NME9: variants seen among roughly 807,000 people sequenced by gnomAD.
NME9 encodes NME/NM23 family member 9.
In NME9, 48 loss-of-function variants were observed where a neutral mutation model predicts 44.4. The observed-to-expected ratio is 1.08, with a 90% CI of 0.86 to 1.37. NME9 has a LOEUF of 1.37. NME9 is among the 40% of genes most tolerant of loss of function. The probability of loss-of-function intolerance (pLI) is 0.00; values close to 1 mark genes in which losing one functional copy is unlikely to be tolerated. For missense variants in NME9, 325 were observed against 405.2 expected, an observed-to-expected ratio of 0.80 and a Z score of 1.70; for synonymous variants, 139 against 147.1, an observed-to-expected ratio of 0.94 and a Z score of 0.40.
At chr3:138,295,779 G>C in intron 8 of NME9, 1 of 1,512,814 alleles carries the variant, frequency 6.6e-7, no homozygotes, top group Non-Finnish European at 9.1e-7. Flanking sequence ...GACTTCCCCA[G>C]CTATCATCAT....
At chr3:138,271,798 C>CTTTTTT (rs776320900) in intron 8 of NME9, among the ~76,000 whole-genome samples, 14 of 136,132 alleles carry the variant, frequency 1.0e-4, no homozygotes, top group African/African-American at 4.0e-4. Context: ...TTTTTTCTTT[C>CTTTTTT]TTTTTTTTTT....
chr3:138,300,568 T>C (rs1267119896), downstream of NME9, among the ~76,000 whole-genome samples: 1 of 152,206 alleles, frequency 6.6e-6, no homozygotes, highest in Admixed American at 6.5e-5. Flanking sequence ...CAAGTGGTCA[T>C]AATAGCTACT....
intron 8 of NME9, chr3:138,263,885 G>T: frequency 1.5e-6 from 2 of 1,372,626 alleles, no homozygotes; most frequent in East Asian, 2.3e-5. Context: ...TTCCTTTCTG[G>T]TCCTTCACTG....
chr3:138,273,460 A>G lies in NME9; in HGVS notation c.746-10874T>C, dbSNP rs533380807. Among the ~76,000 whole-genome samples the G allele has an allele frequency of 3.9e-5, 6 of 152,240 alleles. No individual in the cohort carries two copies. In the East Asian group the frequency reaches 9.7e-4, roughly 24 times the overall value. On this transcript the variant is annotated intron_variant, in intron 8 of 8. Transcript: ENST00000317876. ...ATTTTCTCATCTGCCTAAATCACTT[A>G]TCTCTGGGGCCTCTGCTTCTTTCCC...
intron 8 of NME9, among the ~76,000 whole-genome samples, chr3:138,276,490 AAGAG>A (rs2049306610): frequency 6.6e-6 from 1 of 152,222 alleles, no homozygotes; most frequent in Non-Finnish European, 1.5e-5. Flanking sequence ...AAAAAGAAAT[AAGAG>A]GTATACAGAT....
intron 8 of NME9, chr3:138,274,659 G>A (rs940999409): frequency 1.7e-5 from 12 of 721,650 alleles, no homozygotes; most frequent in Non-Finnish European, 2.8e-5. Flanking sequence ...GATGGGAGAT[G>A]CTCTAGAAAT....
chr3:138,262,318 G>A (rs1352851373), exon 9 of NME9: 9 of 535,942 alleles, frequency 1.7e-5, no homozygotes, highest in Non-Finnish European at 3.0e-5. Flanking sequence ...GGTCTAGGGC[G>A]AGGAGTAGAT....
intron 8 of NME9, among the ~76,000 whole-genome samples, chr3:138,280,956 GTTTC>G (rs1576987997): frequency 6.6e-6 from 1 of 152,102 alleles, no homozygotes; most frequent in Admixed American, 6.6e-5. Flanking sequence ...TTAGCCAACT[GTTTC>G]TTTAAGAGGC....
At chr3:138,324,719 C>T (rs924965843) in intron 2 of NME9, 154 bp downstream of exon 2, 6 of 654,282 alleles carry the variant, frequency 9.2e-6, no homozygotes, top group Non-Finnish European at 1.7e-5. Flanking sequence ...CACACACACA[C>T]ACACACACAC....
chr3:138,326,007 T>C (rs2053764651), intron 1 of NME9, among the ~76,000 whole-genome samples: 1 of 152,198 alleles, frequency 6.6e-6, no homozygotes, highest in Non-Finnish European at 1.5e-5. Flanking sequence ...TAATCAGAAA[T>C]GTGTGCTAGA....
At chr3:138,274,098 G>A (rs1403571710) in intron 8 of NME9, among the ~76,000 whole-genome samples, 3 of 152,232 alleles carry the variant, frequency 2.0e-5, no homozygotes, top group South Asian at 2.1e-4. Context: ...GATTACAGGC[G>A]TGAGCGTACC....
chr3:138,270,999 A>G (rs2048737461), intron 8 of NME9, among the ~76,000 whole-genome samples: 1 of 152,202 alleles, frequency 6.6e-6, no homozygotes, highest in South Asian at 2.1e-4. Flanking sequence ...CAAATGGGAA[A>G]CTAGGACTCA....
At chr3:138,263,570 C>T in intron 8 of NME9, 1 of 650,448 alleles carries the variant, frequency 1.5e-6, no homozygotes, top group Non-Finnish European at 2.8e-6. Flanking sequence ...CTAGACCTAC[C>T]TTTCTGATGA....
chr3:138,299,389 G>A (rs1036394684), downstream of NME9, among the ~76,000 whole-genome samples: 19 of 152,082 alleles, frequency 1.2e-4, no homozygotes, highest in African/African-American at 2.9e-4. Flanking sequence ...TGCCCTCCTC[G>A]TCAGGCACTC....
chr3:138,327,783 G>A (rs552494984), intron 1 of NME9, among the ~76,000 whole-genome samples: 1 of 152,240 alleles, frequency 6.6e-6, no homozygotes, highest in South Asian at 2.1e-4. Flanking sequence ...CCTTTCAGCA[G>A]GAGGGAGCAC....
intron 8 of NME9, chr3:138,274,330 A>G: frequency 1.5e-6 from 1 of 664,842 alleles, no homozygotes; most frequent in East Asian, 2.6e-5. Flanking sequence ...CTAGTTCTAT[A>G]TGCTATAGTG....
At chr3:138,325,016 C>G (rs2053692672) in intron 1 of NME9, 86 bp from the exon 2 acceptor site, 1 of 1,085,638 alleles carries the variant, frequency 9.2e-7, no homozygotes, top group African/African-American at 1.6e-5. Context: ...TTTCTCTCTT[C>G]TATCTCTGAA....
Position 138,306,481 on chromosome 3 carries a change from C to A in NME9, c.461-1G>T, listed in dbSNP as rs1300882904. ...AAGGTACAGGTCCTCTCTGATGAAA[C>A]TAAGCCAAAAAATGGTGCTGTCAGA... On this transcript the variant is annotated splice_acceptor_variant, in intron 6 of 10. Transcript: ENST00000333911. LOFTEE classifies it high-confidence loss of function. The A allele has an allele frequency of 7.5e-6, 12 of 1,596,308 alleles. No homozygotes were observed. Among genetic ancestry groups the A allele is most frequent in the South Asian group, 4.6e-5 (4 of 87,796 alleles).
intron 8 of NME9, among the ~76,000 whole-genome samples, chr3:138,305,766 C>T (rs2052206680): frequency 1.3e-5 from 2 of 152,246 alleles, no homozygotes; most frequent in Non-Finnish European, 2.9e-5. Flanking sequence ...GAGTTATGGA[C>T]TTTCCTTCTA....
Sources: allele counts gnomAD v4.1 joint callset (sites outside exome capture counted in the v4.1 genomes callset), GRCh38; gene constraint gnomAD v4.1.1; transcripts MANE v1.5; gene names NCBI Gene and HGNC (gene_info 2026-07-23, HGNC 2026-07-21).